Variants in GALNT13 observed in about 807,000 individuals in gnomAD.
The protein encoded by GALNT13 is polypeptide N-acetylgalactosaminyltransferase 13.
A neutral mutation model predicts 64.2 loss-of-function variants in GALNT13; 28 were observed. The observed-to-expected ratio is 0.44, with a 90% CI of 0.32 to 0.60. GALNT13 has a LOEUF of 0.60. Ranked by LOEUF, GALNT13 falls within the 20% of genes least tolerant of loss-of-function variation. The pLI is 0.05. For synonymous variants in GALNT13, 214 were observed against 224.6 expected, an observed-to-expected ratio of 0.95 and a Z score of 0.42; for missense variants, 577 against 669.8, an observed-to-expected ratio of 0.86 and a Z score of 1.53.
At position 153,944,632 on chromosome 2, in the gene GALNT13, A is replaced by C. The variant is rs1426013145; in HGVS notation, c.135A>C (p.Ala45=). 1.2e-6 allele frequency: 2 copies of C among 1,612,926 alleles called. No individual in the cohort carries two copies. Among genetic ancestry groups the C allele is most frequent in the Admixed American group, 3.3e-5 (2 of 59,900 alleles). ...DDKKERSLLP[A]LRAVISRNQE... is the part of the protein sequence containing the mutation. ...AGAAGGAGAGATCTCTGCTGCCTGC[A>C]TTGAGGGGTAAGTGCTTATGAAGCA... The change falls in exon 3 of 13, where the codon GCA becomes GCC. Residue 45 remains alanine (A), a synonymous_variant. Transcript: ENST00000392825.
chr2:153,391,675 A>G, the GALNT13 span, among the ~76,000 whole-genome samples: 1 of 152,048 alleles, frequency 6.6e-6, no homozygotes, highest in Admixed American at 6.6e-5. Flanking sequence ...TTCAAAATTT[A>G]TGATAGAGTA....
the GALNT13 span, among the ~76,000 whole-genome samples, chr2:153,301,515 C>T: frequency 1.3e-5 from 2 of 151,230 alleles, no homozygotes; most frequent in Non-Finnish European, 1.5e-5. Context: ...TATATATTAC[C>T]TTATATATTT....
chr2:153,137,400 A>C, the GALNT13 span, among the ~76,000 whole-genome samples: 3 of 152,114 alleles, frequency 2.0e-5, no homozygotes, highest in African/African-American at 7.2e-5. Flanking sequence ...TTAAGGATCT[A>C]TCTTGATTAA....
At chr2:153,652,555 C>T in the GALNT13 span, among the ~76,000 whole-genome samples, 1 of 152,192 alleles carries the variant, frequency 6.6e-6, no homozygotes, top group Admixed American at 6.6e-5. Context: ...GCGGAGGTTG[C>T]AGTGAGCTGA....
chr2:154,234,083 C>T (rs1260414236), intron 4 of GALNT13, among the ~76,000 whole-genome samples: 1 of 152,062 alleles, frequency 6.6e-6, no homozygotes, highest in Non-Finnish European at 1.5e-5. Flanking sequence ...GTAAAGCTTC[C>T]CTCAAGCCTA....
the GALNT13 span, among the ~76,000 whole-genome samples, chr2:153,272,241 C>T: frequency 6.6e-6 from 1 of 152,128 alleles, no homozygotes; most frequent in Admixed American, 6.5e-5. Flanking sequence ...GCAACGGCAA[C>T]AGAAGCCAAA....
chr2:153,586,205 T>C, the GALNT13 span, among the ~76,000 whole-genome samples: 41,034 of 151,978 alleles, frequency 0.27, 5,956 homozygotes, highest in South Asian at 0.43. Flanking sequence ...ACATCAATAT[T>C]CACCTTGAAT....
chr2:153,467,434 A>G, the GALNT13 span, among the ~76,000 whole-genome samples: 1 of 152,066 alleles, frequency 6.6e-6, no homozygotes, highest in African/African-American at 2.4e-5. Flanking sequence ...GAAAGTTGAA[A>G]CTGTCCTTAC....
intron 2 of GALNT13, among the ~76,000 whole-genome samples, chr2:153,918,981 T>C (rs1689577644): frequency 6.6e-6 from 1 of 152,258 alleles, no homozygotes; most frequent in East Asian, 1.9e-4. Flanking sequence ...TCACCAAAGT[T>C]AGTTGTGTGA....
At chr2:153,732,580 G>A in the GALNT13 span, among the ~76,000 whole-genome samples, 2 of 151,902 alleles carry the variant, frequency 1.3e-5, no homozygotes, top group Admixed American at 6.6e-5. Context: ...GCTGAATCAA[G>A]GTCAAGACCC....
At chr2:153,669,976 A>G in the GALNT13 span, among the ~76,000 whole-genome samples, 228 of 151,894 alleles carry the variant, frequency 1.5e-3, 3 homozygotes, top group Middle Eastern at 6.8e-3. Context: ...GGGGAGGGGC[A>G]TCTGCCATTG....
chr2:154,184,189 C>T (rs1386902416), intron 4 of GALNT13, among the ~76,000 whole-genome samples: 2 of 151,998 alleles, frequency 1.3e-5, no homozygotes, highest in African/African-American at 4.8e-5. Flanking sequence ...TCAATTGTGA[C>T]AGGTTTTGAC....
intron 9 of GALNT13, among the ~76,000 whole-genome samples, chr2:154,348,488 C>A (rs1279135258): frequency 2.0e-5 from 3 of 152,006 alleles, no homozygotes; most frequent in African/African-American, 7.3e-5. Context: ...AGGGAAGAAA[C>A]ACCCACACAG....
chr2:153,723,814 C>G, the GALNT13 span, among the ~76,000 whole-genome samples: 1 of 150,586 alleles, frequency 6.6e-6, no homozygotes, highest in South Asian at 2.1e-4. Context: ...AGGATACAAA[C>G]AAATGCAAGA....
chr2:153,175,819 A>G, the GALNT13 span, among the ~76,000 whole-genome samples: 2 of 152,196 alleles, frequency 1.3e-5, no homozygotes, highest in African/African-American at 4.8e-5. Context: ...TGAATTGTAT[A>G]TTACTGACTT....
At chr2:153,705,813 A>G in the GALNT13 span, among the ~76,000 whole-genome samples, 1 of 152,188 alleles carries the variant, frequency 6.6e-6, no homozygotes, top group African/African-American at 2.4e-5. Context: ...CACATGGCAA[A>G]GGTCATGGAT....
chr2:154,249,486 C>T (rs1689958111), intron 7 of GALNT13, among the ~76,000 whole-genome samples: 1 of 152,134 alleles, frequency 6.6e-6, no homozygotes, highest in African/African-American at 2.4e-5. Context: ...CTTAATTATG[C>T]CCTGTAAGTG....
the GALNT13 span, among the ~76,000 whole-genome samples, chr2:153,319,833 TG>T: frequency 6.6e-6 from 1 of 152,288 alleles, no homozygotes; most frequent in South Asian, 2.1e-4. Context: ...CTAACTTTCA[TG>T]GTTCCCATTT....
At chr2:153,201,420 C>T in the GALNT13 span, among the ~76,000 whole-genome samples, 4 of 152,208 alleles carry the variant, frequency 2.6e-5, no homozygotes, top group Non-Finnish European at 5.9e-5. Context: ...TTCCTTCCCT[C>T]CCTGCCAAGC....
Sources: gnomAD v4.1 joint callset for allele counts (sites outside exome capture counted in the v4.1 genomes callset) on GRCh38, gnomAD v4.1.1 for gene constraint, MANE v1.5 for transcripts, NCBI Gene and HGNC (gene_info 2026-07-23, HGNC 2026-07-21) for gene names.